Variants in TNS1 observed in about 807,000 individuals in gnomAD.
The protein encoded by TNS1 is tensin 1.
TNS1 carries 62 observed loss-of-function variants against 168.6 expected under a neutral mutation model. The ratio of observed to expected loss-of-function variants is 0.37; its 90% CI spans 0.30 to 0.45. The LOEUF (loss-of-function observed/expected upper bound fraction) is 0.45, where lower values mean the gene tolerates loss of function less well. Among genes scored for constraint, TNS1 ranks in the 20% least tolerant of loss-of-function variants. The probability of loss-of-function intolerance (pLI) is 1.00; values close to 1 mark genes in which losing one functional copy is unlikely to be tolerated. For missense variants in TNS1, 2,240 were observed against 2,339.4 expected (o/e 0.96, Z 0.88); for synonymous variants, 934 against 933.2 (o/e 1.00, Z -0.02).
chr2:217,926,712 C>A (rs887778652), intron 3 of TNS1, among the ~76,000 whole-genome samples: 26 of 152,342 alleles, frequency 1.7e-4, no homozygotes, highest in African/African-American at 4.8e-4. Flanking sequence ...CTGTTCTAAG[C>A]TTTTGTGTAT....
At chr2:217,946,200 C>T (rs768433757) in intron 3 of TNS1, among the ~76,000 whole-genome samples, 8 of 152,208 alleles carry the variant, frequency 5.3e-5, no homozygotes, top group Non-Finnish European at 1.0e-4. Context: ...ATTCAGAAGC[C>T]ATCCTCCCTG....
chr2:218,022,054 A>G (rs1958810451), intron 1 of TNS1, among the ~76,000 whole-genome samples: 3 of 152,150 alleles, frequency 2.0e-5, no homozygotes, highest in Non-Finnish European at 4.4e-5. Flanking sequence ...TGGCACTGGC[A>G]TCGGGGGGCG....
chr2:217,853,125 C>T (rs1019543035), intron 18 of TNS1, among the ~76,000 whole-genome samples: 3 of 152,098 alleles, frequency 2.0e-5, no homozygotes, highest in African/African-American at 7.2e-5. Flanking sequence ...ACCACGGCCA[C>T]ATTAGAGCTT....
Position 217,906,330 on chromosome 2 carries a change from CT to C in TNS1, c.321+4del. Reference sequence around the variant, plus strand: ...CCCATCCTTCTTCTCCCCATCCACACTCACGTTGTCCTCGAGGCTTTTCCGT... The same window carrying C: ...CCCATCCTTCTTCTCCCCATCCACACCACGTTGTCCTCGAGGCTTTTCCGT... On this transcript the variant is annotated splice_donor_region_variant and intron_variant, in intron 6 of 32. Coordinates refer to ENST00000682258, the MANE Select transcript of TNS1 (RefSeq NM_001387777.1). 1 of 697,088 alleles carries C rather than the reference CT, an allele frequency of 1.4e-6. No homozygotes were observed. 43.2% of individuals were successfully genotyped at this position (697,088 alleles called of 1,614,324 possible). A position where few individuals can be genotyped will look rare whatever the true frequency, so the allele number is the denominator to read the frequency against.
chr2:218,016,708 C>T (rs1232958806), intron 1 of TNS1, among the ~76,000 whole-genome samples: 1 of 152,058 alleles, frequency 6.6e-6, no homozygotes, highest in Admixed American at 6.6e-5. Flanking sequence ...AGGGAATGGA[C>T]CCCCCCAGAA....
intron 1 of TNS1, among the ~76,000 whole-genome samples, chr2:218,022,635 A>G (rs1410429985): frequency 6.6e-6 from 1 of 151,826 alleles, no homozygotes; most frequent in African/African-American, 2.4e-5. Context: ...CCTCTGGCTC[A>G]CAGAGGGGGA....
At chr2:217,902,512 A>T (rs1282961724) in intron 6 of TNS1, among the ~76,000 whole-genome samples, 1 of 152,112 alleles carries the variant, frequency 6.6e-6, no homozygotes, top group African/African-American at 2.4e-5. Flanking sequence ...GAGCCTGCAA[A>T]GGTGCAGGGG....
At chr2:217,856,942 A>G (rs1948206203) in intron 18 of TNS1, among the ~76,000 whole-genome samples, 1 of 152,110 alleles carries the variant, frequency 6.6e-6, no homozygotes, top group African/African-American at 2.4e-5. Context: ...GTCACCTACA[A>G]GCTTGCCTCT....
At position 217,831,692 on chromosome 2, in the gene TNS1, C is replaced by G. The variant is rs375956298; in HGVS notation, c.3281-145G>C. On this transcript the variant is annotated intron_variant, in intron 21 of 32. Transcript: ENST00000682258. ...CACCCTGAGGCCCAGCGCTTTGGCT[C>G]CACTGCCCTTTCCCGCCTCCGTATT... The G allele has an allele frequency of 1.9e-5, 10 of 530,530 alleles. No individual in the cohort carries two copies. The South Asian group carries it at 3.5e-4, about 18-fold the overall frequency. The allele number at this position is 530,530 out of a possible 1,614,324, so 32.9% of individuals were successfully genotyped here.
At chr2:217,875,200 T>C (rs1442437992) in intron 18 of TNS1, among the ~76,000 whole-genome samples, 2 of 152,224 alleles carry the variant, frequency 1.3e-5, no homozygotes, top group Admixed American at 1.3e-4. Context: ...CAGAGACCTT[T>C]CTGACCCCCA....
At chr2:217,908,296 G>T (rs1382764051) in intron 4 of TNS1, among the ~76,000 whole-genome samples, 1 of 152,182 alleles carries the variant, frequency 6.6e-6, no homozygotes, top group Non-Finnish European at 1.5e-5. Context: ...ATAGCAAGAA[G>T]AGAAACTTCT....
chr2:218,030,527 C>T (rs1397146523), intron 1 of TNS1, among the ~76,000 whole-genome samples: 1 of 152,256 alleles, frequency 6.6e-6, no homozygotes, highest in African/African-American at 2.4e-5. Flanking sequence ...AAGCTCCATG[C>T]CTGGCCTATA....
At chr2:217,878,814 A>T (rs1574921968) in intron 18 of TNS1, among the ~76,000 whole-genome samples, 1 of 152,248 alleles carries the variant, frequency 6.6e-6, no homozygotes, top group South Asian at 2.1e-4. Flanking sequence ...CAGAGGCTGC[A>T]TTCTTAACCA....
chr2:217,805,767 CCACCACACACACATA>C (rs1200495929), intron 32 of TNS1, among the ~76,000 whole-genome samples: 3 of 150,082 alleles, frequency 2.0e-5, no homozygotes, highest in Non-Finnish European at 4.4e-5. Flanking sequence ...ACACCACACA[CCACCACACACACATA>C]CACCACACAC....
chr2:217,893,375 C>T, intron 10 of TNS1, 64 bp downstream of exon 10: 1 of 1,516,742 alleles, frequency 6.6e-7, no homozygotes, highest in South Asian at 1.3e-5. Flanking sequence ...TTCAGGCACA[C>T]ACACATGTGC....
chr2:217,940,445 C>T (rs1956855293), intron 3 of TNS1, among the ~76,000 whole-genome samples: 2 of 152,208 alleles, frequency 1.3e-5, no homozygotes, highest in African/African-American at 2.4e-5. Flanking sequence ...GCCTGTCCCC[C>T]TCGCTCCTGC....
intron 1 of TNS1, among the ~76,000 whole-genome samples, chr2:217,991,691 T>G (rs2126087220): frequency 6.6e-6 from 1 of 151,958 alleles, no homozygotes; most frequent in African/African-American, 2.4e-5. Flanking sequence ...GCAGCAGGTT[T>G]ATTTGTCCAC....
At chr2:217,863,763 G>A (rs1949008838) in intron 18 of TNS1, among the ~76,000 whole-genome samples, 1 of 152,164 alleles carries the variant, frequency 6.6e-6, no homozygotes, top group South Asian at 2.1e-4. Flanking sequence ...GACATGGCTG[G>A]AGGGAGCAGT....
At chr2:218,003,060 C>A (rs1439400366), upstream of TNS1, 3 of 401,282 alleles carry the variant, frequency 7.5e-6, no homozygotes, top group East Asian at 2.1e-4. Flanking sequence ...CCCCACTCCA[C>A]CCCTCGTCCC....
Sources: gnomAD v4.1 joint callset for allele counts (sites outside exome capture counted in the v4.1 genomes callset) on GRCh38, gnomAD v4.1.1 for gene constraint, MANE v1.5 for transcripts, NCBI Gene and HGNC (gene_info 2026-07-23, HGNC 2026-07-21) for gene names.